DCDC2C: variants seen among roughly 807,000 people sequenced by gnomAD.
DCDC2C encodes the protein doublecortin domain containing 2C.
Under a neutral mutation model 45.0 loss-of-function variants are expected in DCDC2C, and 44 were observed. The ratio of observed to expected loss-of-function variants is 0.98; its 90% CI spans 0.77 to 1.26. DCDC2C has a LOEUF of 1.26. Among genes scored for constraint, DCDC2C ranks in the 50% most tolerant of loss-of-function variants. The probability of loss-of-function intolerance (pLI) is 0.00; values close to 1 mark genes in which losing one functional copy is unlikely to be tolerated. For missense variants in DCDC2C, 447 were observed against 468.9 expected, an observed-to-expected ratio of 0.95 and a Z score of 0.43; for synonymous variants, 187 against 178.8, an observed-to-expected ratio of 1.05 and a Z score of -0.37.
chr2:3,831,435 G>T (rs1025387684), intron 10 of DCDC2C, among the ~76,000 whole-genome samples: 16 of 152,172 alleles, frequency 1.1e-4, no homozygotes, highest in African/African-American at 3.9e-4. Context: ...GTAAATGACC[G>T]TACTGAATAA....
chr2:3,747,158 GCA>G (rs778698232), intron 4 of DCDC2C, among the ~76,000 whole-genome samples: 1 of 152,204 alleles, frequency 6.6e-6, no homozygotes, highest in Non-Finnish European at 1.5e-5. Context: ...GCAGCACACA[GCA>G]CACACATGTG....
intron 10 of DCDC2C, among the ~76,000 whole-genome samples, chr2:3,789,707 C>T (rs1670754433): frequency 6.6e-6 from 1 of 152,194 alleles, no homozygotes; most frequent in Non-Finnish European, 1.5e-5. Flanking sequence ...TCCTTCTTTC[C>T]TGTCCAGGGG....
At chr2:3,742,279 G>A (rs1669239116) in intron 4 of DCDC2C, among the ~76,000 whole-genome samples, 1 of 152,200 alleles carries the variant, frequency 6.6e-6, no homozygotes, top group African/African-American at 2.4e-5. Context: ...TGTGCTAGGG[G>A]TGGAGAATAC....
chr2:3,795,290 C>T (rs112004683), intron 10 of DCDC2C, among the ~76,000 whole-genome samples: 13,707 of 148,754 alleles, frequency 0.092, 876 homozygotes, highest in East Asian at 0.28. Flanking sequence ...GAGGAGGTTG[C>T]GAAAATTTTC....
chr2:3,789,442 A>G (rs1406293396), intron 10 of DCDC2C, among the ~76,000 whole-genome samples: 1 of 152,176 alleles, frequency 6.6e-6, no homozygotes, highest in Non-Finnish European at 1.5e-5. Context: ...CTCTTTTTCT[A>G]ATGCCATGCC....
chr2:3,744,644 T>C (rs2148112972), intron 4 of DCDC2C, among the ~76,000 whole-genome samples: 1 of 152,348 alleles, frequency 6.6e-6, no homozygotes, highest in Middle Eastern at 3.4e-3. Context: ...CTTATGCTTT[T>C]GTCAGTTAAC....
chr2:3,801,952 C>T (rs757730658), intron 10 of DCDC2C, among the ~76,000 whole-genome samples: 4 of 152,234 alleles, frequency 2.6e-5, no homozygotes, highest in Non-Finnish European at 5.9e-5. Context: ...GAGGCAGGAA[C>T]TCTTGGGCTT....
chr2:3,763,333 T>C (rs6753697), intron 6 of DCDC2C, among the ~76,000 whole-genome samples: 40,775 of 151,996 alleles, frequency 0.27, 5,730 homozygotes, highest in South Asian at 0.54. Context: ...GCTGACGTGG[T>C]GGGCCCGCGA....
intron 4 of DCDC2C, among the ~76,000 whole-genome samples, chr2:3,744,398 C>A (rs762807121): frequency 6.6e-6 from 1 of 152,132 alleles, no homozygotes; most frequent in Non-Finnish European, 1.5e-5. Context: ...ACTGGGAGGC[C>A]AAGAGGCTGC....
At chr2:3,745,398 C>A (rs190022520) in intron 4 of DCDC2C, among the ~76,000 whole-genome samples, 2 of 152,286 alleles carry the variant, frequency 1.3e-5, no homozygotes, top group Admixed American at 1.3e-4. Context: ...GTAAAAAAGA[C>A]ATTAGATCAA....
intron 3 of DCDC2C, among the ~76,000 whole-genome samples, chr2:3,733,327 C>G (rs1668927331): frequency 1.3e-5 from 2 of 152,160 alleles, no homozygotes; most frequent in African/African-American, 2.4e-5. Flanking sequence ...AGTGTTCAAG[C>G]CATTGTTTGT....
chr2:3,726,911 T>G, intron 2 of DCDC2C, 92 bp from the exon 3 acceptor site: 1 of 1,165,940 alleles, frequency 8.6e-7, no homozygotes, highest in Non-Finnish European at 1.2e-6. Context: ...CCCCCTTTCT[T>G]ATGTTTTAGG....
intron 10 of DCDC2C, among the ~76,000 whole-genome samples, chr2:3,842,775 G>A (rs1672247327): frequency 6.6e-6 from 1 of 152,132 alleles, no homozygotes; most frequent in African/African-American, 2.4e-5. Flanking sequence ...AGGGATCCTT[G>A]ATTTTGTCAT....
intron 10 of DCDC2C, among the ~76,000 whole-genome samples, chr2:3,844,008 G>A (rs1045068318): frequency 6.6e-6 from 1 of 152,044 alleles, no homozygotes; most frequent in South Asian, 2.1e-4. Flanking sequence ...ATTTATTTCA[G>A]TTGACTTAGG....
chr2:3,813,687 G>A (rs1671476833), intron 10 of DCDC2C, among the ~76,000 whole-genome samples: 1 of 131,232 alleles, frequency 7.6e-6, no homozygotes, highest in Admixed American at 7.7e-5. Flanking sequence ...TGTGACCTTT[G>A]CTGGTTAAAG....
chr2:3,791,108 CA>C (rs11453433), intron 10 of DCDC2C, among the ~76,000 whole-genome samples: 3 of 150,024 alleles, frequency 2.0e-5, no homozygotes, highest in Admixed American at 6.6e-5. Context: ...GACTCTGTCT[CA>C]AAAAAAAAGA....
intron 10 of DCDC2C, among the ~76,000 whole-genome samples, chr2:3,817,540 G>A (rs1252768262): frequency 6.6e-6 from 1 of 152,222 alleles, no homozygotes; most frequent in African/African-American, 2.4e-5. Context: ...ACTGTGGAGA[G>A]TGAGTGGAGC....
rs981003135 is a variant in DCDC2C at position 3,752,781 on chromosome 2, G to T, written c.564G>T (p.Gly188=). Residue 188 remains glycine, a synonymous_variant, in exon 5 of 11, where the codon GGG becomes GGT. Coordinates refer to ENST00000399143, the MANE Select transcript of DCDC2C (RefSeq NM_001287444.2). ...GGVRKLFTMN[G]HLLGDSKDLQ... Reference sequence around the variant, plus strand: ...TTTACAGATTATTTACAATGAATGGGCATCTTTTGGGCGACTCAAAGGATT... The same window carrying T: ...TTTACAGATTATTTACAATGAATGGTCATCTTTTGGGCGACTCAAAGGATT... 6.5e-6 allele frequency: 10 copies of T among 1,550,246 alleles called. No homozygotes were observed. In the African/African-American group the frequency reaches 1.2e-4, roughly 19 times the overall value.
At chr2:3,845,915 G>A (rs1228657724) in intron 10 of DCDC2C, among the ~76,000 whole-genome samples, 1 of 152,142 alleles carries the variant, frequency 6.6e-6, no homozygotes, top group African/African-American at 2.4e-5. Flanking sequence ...GTTGTCTTCT[G>A]TAAAATGAGA....
Sources: allele counts gnomAD v4.1 joint callset (sites outside exome capture counted in the v4.1 genomes callset), GRCh38; gene constraint gnomAD v4.1.1; transcripts MANE v1.5; gene names NCBI Gene and HGNC (gene_info 2026-07-23, HGNC 2026-07-21).